Variants in CTNNA3 observed in about 807,000 individuals in gnomAD.
CTNNA3 encodes catenin alpha 3.
A neutral mutation model predicts 95.7 loss-of-function variants in CTNNA3; 76 were observed. The ratio of observed to expected loss-of-function variants is 0.79; its 90% CI spans 0.66 to 0.96. CTNNA3 has a LOEUF of 0.96. Among genes scored for constraint, CTNNA3 ranks in the 40% least tolerant of loss-of-function variants. The pLI, the probability that CTNNA3 is intolerant of heterozygous loss-of-function variation, is 0.00. For missense variants in CTNNA3, 1,191 were observed against 1,089.8 expected, an observed-to-expected ratio of 1.09 and a Z score of -1.31; for synonymous variants, 431 against 374.4, an observed-to-expected ratio of 1.15 and a Z score of -1.74.
chr10:67,223,689 G>A (rs1293522631), intron 5 of CTNNA3, among the ~76,000 whole-genome samples: 1 of 152,124 alleles, frequency 6.6e-6, no homozygotes, highest in Non-Finnish European at 1.5e-5. Flanking sequence ...CAAGTGGAGG[G>A]CTTTAAGCTA....
chr10:67,655,256 A>C (rs773480579), intron 1 of CTNNA3, among the ~76,000 whole-genome samples: 44 of 152,348 alleles, frequency 2.9e-4, no homozygotes, highest in Non-Finnish European at 4.3e-4. Context: ...CACCAAAAGT[A>C]TCTTTGGGCT....
intron 7 of CTNNA3, among the ~76,000 whole-genome samples, chr10:67,128,088 AT>A (rs1476019268): frequency 6.6e-6 from 1 of 152,010 alleles, no homozygotes. Context: ...CCTATATCTA[AT>A]TAATGTTCAA....
At chr10:66,960,515 C>A (rs1220111971) in intron 7 of CTNNA3, among the ~76,000 whole-genome samples, 2 of 152,246 alleles carry the variant, frequency 1.3e-5, no homozygotes, top group East Asian at 3.9e-4. Context: ...TTACAATGAT[C>A]TTTTCTCAGA....
chr10:67,218,584 T>C (rs1332352769), intron 6 of CTNNA3, among the ~76,000 whole-genome samples: 1 of 152,204 alleles, frequency 6.6e-6, no homozygotes, highest in African/African-American at 2.4e-5. Context: ...TTTTCCAAAC[T>C]CCATTCTGTG....
chr10:66,694,873 T>C (rs1259696616), intron 9 of CTNNA3, among the ~76,000 whole-genome samples: 1 of 152,172 alleles, frequency 6.6e-6, no homozygotes, highest in African/African-American at 2.4e-5. Context: ...TTAAATTTGG[T>C]ATTTCCTCTT....
At position 66,778,870 on chromosome 10, in the gene CTNNA3, C is replaced by T. The variant is rs973735240; in HGVS notation, c.1048-3346G>A. 7.2e-5 allele frequency among the ~76,000 whole-genome samples: 11 copies of T among 151,922 alleles called. No homozygotes were observed. The East Asian group carries it at 1.4e-3, about 19-fold the overall frequency. On this transcript the variant is annotated intron_variant, in intron 7 of 17. Transcript: ENST00000433211. ...GCATATCTGTAATCCCAACTACTTGCGAGGCTAAGGCAGGAGAATTGCTTG... is the reference window on the plus strand; with the variant it reads ...GCATATCTGTAATCCCAACTACTTGTGAGGCTAAGGCAGGAGAATTGCTTG...
intron 9 of CTNNA3, among the ~76,000 whole-genome samples, chr10:66,755,380 T>C (rs1388168121): frequency 6.6e-6 from 1 of 152,140 alleles, no homozygotes; most frequent in Non-Finnish European, 1.5e-5. Flanking sequence ...GTAGTGATAG[T>C]TGCACAACTC....
chr10:66,883,758 C>A (rs1844932591), intron 7 of CTNNA3, among the ~76,000 whole-genome samples: 1 of 152,050 alleles, frequency 6.6e-6, no homozygotes, highest in South Asian at 2.1e-4. Context: ...AACACAACTA[C>A]TCCTAATTAT....
At chr10:66,102,277 T>C (rs1233972538) in intron 14 of CTNNA3, among the ~76,000 whole-genome samples, 1 of 152,176 alleles carries the variant, frequency 6.6e-6, no homozygotes, top group African/African-American at 2.4e-5. Flanking sequence ...CTGCTATTAC[T>C]ACTATGAATG....
intron 10 of CTNNA3, among the ~76,000 whole-genome samples, chr10:66,553,956 G>A (rs1463798416): frequency 1.3e-5 from 2 of 151,926 alleles, no homozygotes; most frequent in African/African-American, 4.8e-5. Context: ...ATTTAAATTT[G>A]GCAAAACATT....
intron 4 of CTNNA3, among the ~76,000 whole-genome samples, chr10:67,525,173 T>C (rs946846902): frequency 1.2e-4 from 18 of 151,608 alleles, no homozygotes; most frequent in African/African-American, 4.1e-4. Flanking sequence ...TTTTTTTAAC[T>C]CGTTATAAAC....
intron 7 of CTNNA3, among the ~76,000 whole-genome samples, chr10:67,158,291 A>T (rs376489271): frequency 2.0e-5 from 3 of 152,204 alleles, no homozygotes; most frequent in Non-Finnish European, 4.4e-5. Flanking sequence ...ATAATACTAT[A>T]GGCCTGGCAC....
intron 9 of CTNNA3, among the ~76,000 whole-genome samples, chr10:66,710,539 T>A (rs1476986705): frequency 6.6e-6 from 1 of 151,894 alleles, no homozygotes; most frequent in Non-Finnish European, 1.5e-5. Flanking sequence ...AATTTCATTA[T>A]CTTTGTGATA....
intron 5 of CTNNA3, among the ~76,000 whole-genome samples, chr10:67,332,197 A>C (rs1020323791): frequency 3.9e-5 from 6 of 152,172 alleles, no homozygotes; most frequent in Non-Finnish European, 5.9e-5. Context: ...TAAAAGATTA[A>C]ATTTCCTAGA....
intron 1 of CTNNA3, among the ~76,000 whole-genome samples, chr10:67,726,647 C>T (rs1164924896): frequency 5.2e-3 from 19 of 3,678 alleles, no homozygotes; most frequent in African/African-American, 0.011. Flanking sequence ...ATAATATATA[C>T]TATAATATAT....
At chr10:66,121,439 TCA>T (rs1420610401) in intron 13 of CTNNA3, among the ~76,000 whole-genome samples, 1 of 152,036 alleles carries the variant, frequency 6.6e-6, no homozygotes, top group African/African-American at 2.4e-5. Flanking sequence ...CAGTATTTCC[TCA>T]GTTTCTTTTT....
chr10:67,044,033 A>G (rs1854573190), intron 7 of CTNNA3, among the ~76,000 whole-genome samples: 1 of 151,850 alleles, frequency 6.6e-6, no homozygotes, highest in African/African-American at 2.4e-5. Flanking sequence ...GACACAAATG[A>G]TCCCATCACC....
intron 5 of CTNNA3, among the ~76,000 whole-genome samples, chr10:67,450,790 TAAA>T (rs986657853): frequency 6.6e-6 from 1 of 151,368 alleles, no homozygotes; most frequent in Admixed American, 6.6e-5. Context: ...AATAAAAGTT[TAAA>T]AAAAAGTTAA....
chr10:66,608,862 G>A (rs1184615507), intron 10 of CTNNA3, among the ~76,000 whole-genome samples: 1 of 152,008 alleles, frequency 6.6e-6, no homozygotes, highest in African/African-American at 2.4e-5. Context: ...GCAATACCAT[G>A]TTGGACACAG....
Sources: allele counts gnomAD v4.1 joint callset (sites outside exome capture counted in the v4.1 genomes callset), GRCh38; gene constraint gnomAD v4.1.1; transcripts MANE v1.5; gene names NCBI Gene and HGNC (gene_info 2026-07-23, HGNC 2026-07-21).